PTPRR: variants seen among roughly 807,000 people sequenced by gnomAD.
PTPRR encodes protein tyrosine phosphatase receptor type R.
PTPRR carries 38 observed loss-of-function variants against 77.2 expected under a neutral mutation model. The ratio of observed to expected loss-of-function variants is 0.49; its 90% CI spans 0.38 to 0.65. The LOEUF (loss-of-function observed/expected upper bound fraction) is 0.65, where lower values mean the gene tolerates loss of function less well. PTPRR is among the 30% of genes least tolerant of loss of function. PTPRR has a pLI of 0.00. For missense variants in PTPRR, 744 were observed against 799.2 expected (o/e 0.93, Z 0.83); for synonymous variants, 299 against 283.1 (o/e 1.06, Z -0.57).
chr12:70,750,426 CAG>C (rs1346822763), intron 5 of PTPRR, among the ~76,000 whole-genome samples: 6 of 152,104 alleles, frequency 3.9e-5, no homozygotes, highest in African/African-American at 1.4e-4. Flanking sequence ...CTATGGGAAA[CAG>C]AGTTGGAATA....
At chr12:70,808,264 G>A (rs1353681085) in intron 2 of PTPRR, among the ~76,000 whole-genome samples, 3 of 152,108 alleles carry the variant, frequency 2.0e-5, no homozygotes, top group African/African-American at 7.2e-5. Flanking sequence ...GTTTATCAAT[G>A]ACAATGCGTG....
chr12:70,653,609 C>T (rs988997582), intron 13 of PTPRR, among the ~76,000 whole-genome samples: 9 of 152,086 alleles, frequency 5.9e-5, no homozygotes, highest in Non-Finnish European at 1.3e-4. Flanking sequence ...TGTTAGGTTC[C>T]TTGCTACGTA....
At position 70,866,792 on chromosome 12, in the gene PTPRR, T is replaced by G. The variant is rs1271661821; in HGVS notation, c.357+25887A>C. Among the ~76,000 whole-genome samples the G allele has an allele frequency of 7.1e-4, 108 of 152,204 alleles. No individual in the cohort carries two copies. The Middle Eastern group carries it at 0.014, about 19-fold the overall frequency. On this transcript the variant is annotated intron_variant, in intron 2 of 13. Transcript: ENST00000283228. ...GATGCAAAAATCCTCAATAAAATACTGGCAAAACGAATCCAGCAGCACATC... is the reference window on the plus strand; with the variant it reads ...GATGCAAAAATCCTCAATAAAATACGGGCAAAACGAATCCAGCAGCACATC...
At chr12:70,712,872 CTCT>C (rs751988982) in intron 6 of PTPRR, among the ~76,000 whole-genome samples, 2 of 149,952 alleles carry the variant, frequency 1.3e-5, no homozygotes, top group East Asian at 2.0e-4. Context: ...ATACTCCCTC[CTCT>C]TTTTTATTGA....
At chr12:70,749,357 A>G (rs770029418) in intron 5 of PTPRR, among the ~76,000 whole-genome samples, 2 of 152,212 alleles carry the variant, frequency 1.3e-5, no homozygotes, top group Non-Finnish European at 2.9e-5. Flanking sequence ...TAGTTTTCTC[A>G]TAAGTAAAAT....
At chr12:70,784,504 G>A (rs542663869) in intron 2 of PTPRR, among the ~76,000 whole-genome samples, 2 of 152,310 alleles carry the variant, frequency 1.3e-5, no homozygotes, top group South Asian at 2.1e-4. Flanking sequence ...CCCCTTGTCC[G>A]GAGCACAACC....
At chr12:70,692,845 G>A (rs1888100633) in intron 8 of PTPRR, among the ~76,000 whole-genome samples, 1 of 152,056 alleles carries the variant, frequency 6.6e-6, no homozygotes, top group African/African-American at 2.4e-5. Flanking sequence ...TGTATTTTAA[G>A]TGCTTAAATT....
chr12:70,732,818 CA>C (rs1889709276), intron 6 of PTPRR, among the ~76,000 whole-genome samples: 1 of 152,182 alleles, frequency 6.6e-6, no homozygotes, highest in East Asian at 1.9e-4. Context: ...CTCAGCCTCC[CA>C]AAGTGCTAGG....
chr12:70,776,992 C>T (rs944502611), intron 2 of PTPRR, among the ~76,000 whole-genome samples: 10 of 152,016 alleles, frequency 6.6e-5, no homozygotes, highest in African/African-American at 2.4e-4. Flanking sequence ...ATCCTGCTAA[C>T]CATATCTTGT....
intron 10 of PTPRR, among the ~76,000 whole-genome samples, chr12:70,666,243 C>G (rs1395032687): frequency 1.3e-5 from 2 of 152,134 alleles, no homozygotes; most frequent in Admixed American, 1.3e-4. Flanking sequence ...ATGAATGAAA[C>G]TTTCCATCTT....
At chr12:70,818,368 T>C (rs1891944511) in intron 2 of PTPRR, among the ~76,000 whole-genome samples, 1 of 152,026 alleles carries the variant, frequency 6.6e-6, no homozygotes, top group African/African-American at 2.4e-5. Context: ...GAGAGAAGGA[T>C]AGGTAGCTGA....
At chr12:70,654,074 G>A (rs549399487) in intron 13 of PTPRR, among the ~76,000 whole-genome samples, 45 of 151,978 alleles carry the variant, frequency 3.0e-4, no homozygotes, top group African/African-American at 8.7e-4. Flanking sequence ...TTTTTTTAGA[G>A]GTAAGAGAAA....
chr12:70,784,969 G>A (rs1891291829), intron 2 of PTPRR, among the ~76,000 whole-genome samples: 1 of 152,110 alleles, frequency 6.6e-6, no homozygotes, highest in South Asian at 2.1e-4. Flanking sequence ...AAAAAGCAAT[G>A]GTCAAAACAA....
chr12:70,712,006 G>A (rs925667391), intron 6 of PTPRR, among the ~76,000 whole-genome samples: 4 of 152,066 alleles, frequency 2.6e-5, no homozygotes, highest in African/African-American at 7.2e-5. Context: ...CCATGTAATC[G>A]TGGGCTTTGG....
In PTPRR at chr12:70,761,325, A is replaced by G. The variant is rs79535062; in HGVS notation, c.627+146T>C. On this transcript the variant is annotated intron_variant, in intron 4 of 13. Coordinates refer to ENST00000283228, the MANE Select transcript of PTPRR (RefSeq NM_002849.4). ...AGAAGTAAACATATACAATGTAAAG[A>G]TCAGAGAATTCTGACACTCAGGGAA... 2,498 of 707,890 alleles carry G rather than the reference A, an allele frequency of 3.5e-3. 46 individuals carry two copies. The African/African-American group carries it at 0.041, about 12-fold the overall frequency. The allele number at this position is 707,890 out of a possible 1,614,324, so 43.9% of individuals were successfully genotyped here. A position where few individuals can be genotyped will look rare whatever the true frequency, so the allele number is the denominator to read the frequency against.
At chr12:70,673,657 A>C (rs948139014) in intron 10 of PTPRR, among the ~76,000 whole-genome samples, 3 of 152,204 alleles carry the variant, frequency 2.0e-5, no homozygotes, top group Admixed American at 2.0e-4. Context: ...AATAATAAGA[A>C]ATATTTAAGG....
At chr12:70,714,617 C>T (rs1407372463) in intron 6 of PTPRR, among the ~76,000 whole-genome samples, 1 of 152,126 alleles carries the variant, frequency 6.6e-6, no homozygotes, top group East Asian at 1.9e-4. Context: ...CTATTACCAA[C>T]AATGTTGCCA....
At chr12:70,702,339 T>C (rs1353592505) in intron 6 of PTPRR, among the ~76,000 whole-genome samples, 1 of 152,008 alleles carries the variant, frequency 6.6e-6, no homozygotes, top group Non-Finnish European at 1.5e-5. Context: ...TTACAAAAAC[T>C]GTTACATTTA....
chr12:70,660,807 A>C (rs1886770967), intron 12 of PTPRR, 133 bp downstream of exon 12: 1 of 925,190 alleles, frequency 1.1e-6, no homozygotes, highest in Admixed American at 3.2e-5. Context: ...AATATTACAG[A>C]CTTAACCAAT....
Sources: gnomAD v4.1 joint callset for allele counts (sites outside exome capture counted in the v4.1 genomes callset) on GRCh38, gnomAD v4.1.1 for gene constraint, MANE v1.5 for transcripts, NCBI Gene and HGNC (gene_info 2026-07-23, HGNC 2026-07-21) for gene names.